The following ROR2 variants were observed in gnomAD, a reference collection of about 807,000 sequenced individuals.
ROR2 encodes the protein tyrosine-protein kinase transmembrane receptor ROR2.
Under a neutral mutation model 74.9 loss-of-function variants are expected in ROR2, and 33 were observed. That is an observed-to-expected ratio of 0.44 (90% CI 0.33 to 0.59). The LOEUF (loss-of-function observed/expected upper bound fraction) is 0.59. Among genes scored for constraint, ROR2 ranks in the 20% least tolerant of loss-of-function variants. ROR2 has a pLI of 0.02. For missense variants in ROR2, 1,216 were observed against 1,313.8 expected, an observed-to-expected ratio of 0.93 and a Z score of 1.15; for synonymous variants, 586 against 558.7, an observed-to-expected ratio of 1.05 and a Z score of -0.69.
rs114457114 is a variant in ROR2 at position 91,861,147 on chromosome 9, G to C, written c.98-85329C>G. Among the ~76,000 whole-genome samples, 513 of 152,260 alleles carry C rather than the reference G, an allele frequency of 3.4e-3. 5 individuals are homozygous for C. Among genetic ancestry groups the C allele is most frequent in the African/African-American group, 0.012 (497 of 41,558 alleles). ...AATGGAAAAATATCCTGTGTTTATG[G>C]ATCAGAATACTTAATACTGTTAAAG... On this transcript the variant is annotated intron_variant, in intron 1 of 8. Transcript: ENST00000375708.
At chr9:91,916,477 C>T (rs902403799) in intron 1 of ROR2, among the ~76,000 whole-genome samples, 1 of 152,232 alleles carries the variant, frequency 6.6e-6, no homozygotes, top group African/African-American at 2.4e-5. Flanking sequence ...CACCCTGCCC[C>T]TCACCTTTAC....
intron 1 of ROR2, among the ~76,000 whole-genome samples, chr9:91,816,697 CCCCCCCAA>C (rs1470760332): frequency 3.6e-5 from 5 of 137,166 alleles, no homozygotes; most frequent in African/African-American, 1.3e-4. Context: ...CACCCCCCCA[CCCCCCCAA>C]CACACACACT....
chr9:91,813,508 T>C (rs901129148), intron 1 of ROR2, among the ~76,000 whole-genome samples: 2 of 152,172 alleles, frequency 1.3e-5, no homozygotes, highest in African/African-American at 2.4e-5. Context: ...CCACAGAAAC[T>C]GGCGAGGGCA....
chr9:91,818,830 CA>C (rs1348034105), intron 1 of ROR2, among the ~76,000 whole-genome samples: 1 of 152,084 alleles, frequency 6.6e-6, no homozygotes, highest in Admixed American at 6.5e-5. Flanking sequence ...CTCTTAGTTG[CA>C]CAGGAAGCCA....
At chr9:91,925,411 T>C (rs2117896690) in intron 1 of ROR2, among the ~76,000 whole-genome samples, 1 of 152,062 alleles carries the variant, frequency 6.6e-6, no homozygotes, top group African/African-American at 2.4e-5. Context: ...CTGTCCTTGC[T>C]CAGCACAAGT....
chr9:91,743,397 C>T (rs1006274724), intron 4 of ROR2, among the ~76,000 whole-genome samples: 8 of 152,048 alleles, frequency 5.3e-5, no homozygotes, highest in Non-Finnish European at 7.4e-5. Flanking sequence ...CATTGTGAAA[C>T]GCCATCTCTA....
At chr9:91,759,655 T>C (rs1262386272) in intron 2 of ROR2, among the ~76,000 whole-genome samples, 2 of 152,208 alleles carry the variant, frequency 1.3e-5, no homozygotes, top group African/African-American at 4.8e-5. Flanking sequence ...TGATATAATC[T>C]GGGCTGCCCA....
chr9:91,910,530 G>A (rs1052563333), intron 1 of ROR2, among the ~76,000 whole-genome samples: 1 of 152,046 alleles, frequency 6.6e-6, no homozygotes, highest in African/African-American at 2.4e-5. Context: ...AACCAACAGA[G>A]TGAAAACACA....
chr9:91,901,884 T>G (rs1228514350), intron 1 of ROR2, among the ~76,000 whole-genome samples: 3 of 151,464 alleles, frequency 2.0e-5, no homozygotes, highest in Non-Finnish European at 4.4e-5. Flanking sequence ...AGCTACTGTG[T>G]GAGGAAAAGT....
intron 8 of ROR2, among the ~76,000 whole-genome samples, chr9:91,726,072 G>A (rs1837019301): frequency 6.6e-6 from 1 of 152,206 alleles, no homozygotes; most frequent in South Asian, 2.1e-4. Context: ...AGGCTGCTCT[G>A]GGATGAGGGG....
At chr9:91,928,441 G>A (rs1831465847) in intron 1 of ROR2, among the ~76,000 whole-genome samples, 1 of 152,216 alleles carries the variant, frequency 6.6e-6, no homozygotes, top group Non-Finnish European at 1.5e-5. Context: ...CCACGGTGTG[G>A]GACTGTGCCC....
intron 1 of ROR2, among the ~76,000 whole-genome samples, chr9:91,777,143 C>A (rs538678611): frequency 9.8e-5 from 15 of 152,290 alleles, no homozygotes; most frequent in African/African-American, 3.4e-4. Context: ...ACTTATATTT[C>A]GAAATTTTAA....
At chr9:91,823,974 A>G (rs2312734) in intron 1 of ROR2, among the ~76,000 whole-genome samples, 63,098 of 152,126 alleles carry the variant, frequency 0.41, 15,356 homozygotes, top group African/African-American at 0.66. Context: ...CTGTGCTCAG[A>G]GTCAGCCTGC....
intron 1 of ROR2, among the ~76,000 whole-genome samples, chr9:91,826,330 T>C (rs1332311601): frequency 6.6e-6 from 1 of 152,220 alleles, no homozygotes; most frequent in Non-Finnish European, 1.5e-5. Flanking sequence ...CCAGACCCCC[T>C]TTCTTATTTC....
intron 1 of ROR2, among the ~76,000 whole-genome samples, chr9:91,869,324 C>T (rs1829726679): frequency 6.6e-6 from 1 of 152,164 alleles, no homozygotes; most frequent in African/African-American, 2.4e-5. Context: ...CTCAAGTCAC[C>T]AGGATTACAG....
intron 2 of ROR2, 78 bp downstream of exon 2, chr9:91,775,663 C>T: frequency 7.2e-7 from 1 of 1,396,720 alleles, no homozygotes; most frequent in Non-Finnish European, 1.0e-6. Flanking sequence ...CGCCTTCCTT[C>T]AGGCAATGGC....
intron 1 of ROR2, among the ~76,000 whole-genome samples, chr9:91,904,266 C>T (rs918258765): frequency 3.9e-5 from 6 of 152,154 alleles, no homozygotes; most frequent in Middle Eastern, 3.4e-3. Flanking sequence ...GGAAGGATCC[C>T]GGGGTGAGGA....
chr9:91,830,104 A>G (rs56375254), intron 1 of ROR2, among the ~76,000 whole-genome samples: 3,851 of 152,260 alleles, frequency 0.025, 174 homozygotes, highest in African/African-American at 0.088. Context: ...CTCATCCTGT[A>G]TTTTCAAATC....
intron 1 of ROR2, among the ~76,000 whole-genome samples, chr9:91,935,666 C>T (rs10992172): frequency 0.24 from 36,809 of 152,152 alleles, 4,733 homozygotes; most frequent in Non-Finnish European, 0.28. Flanking sequence ...GGGGGCTTGG[C>T]CCTGGGGGCA....
Sources: allele counts gnomAD v4.1 joint callset (sites outside exome capture counted in the v4.1 genomes callset), GRCh38; gene constraint gnomAD v4.1.1; transcripts MANE v1.5; gene names NCBI Gene and HGNC (gene_info 2026-07-23, HGNC 2026-07-21).